RAP1B: variants seen among roughly 807,000 people sequenced by gnomAD.
RAP1B encodes the protein RAP1B, member of RAS oncogene family.
In RAP1B, 1 loss-of-function variant was observed where a neutral mutation model predicts 27.5. That is an observed-to-expected ratio of 0.04 (90% CI 0.01 to 0.17). The LOEUF (loss-of-function observed/expected upper bound fraction) is 0.17. Ranked by LOEUF, RAP1B falls within the 10% of genes least tolerant of loss-of-function variation. RAP1B has a pLI of 1.00. For missense variants in RAP1B, 84 were observed against 214.8 expected, an observed-to-expected ratio of 0.39 and a Z score of 3.81; for synonymous variants, 75 against 73.1, an observed-to-expected ratio of 1.03 and a Z score of -0.13.
At position 68,663,068 on chromosome 12, in the gene RAP1B, C is replaced by CTTTTTTTTTCTTTTTCT; in HGVS notation, c.*3828_*3829insCTTTTTCTTTTTTTTTT. Reference sequence around the variant, plus strand: ...TTGAATTTTCTTTTTTTTTCTTTTTCTTTTTTTTTTTTGAGACTGAGTTTC... The same window carrying CTTTTTTTTTCTTTTTCT: ...TTGAATTTTCTTTTTTTTTCTTTTTCTTTTTTTTTCTTTTTCTTTTTTTTTTTTTGAGACTGAGTTTC... On this transcript the variant is annotated 3_prime_UTR_variant, in exon 8 of 8. Coordinates refer to ENST00000250559, the MANE Select transcript of RAP1B (RefSeq NM_001010942.3). The CTTTTTTTTTCTTTTTCT allele has an allele frequency of 7.0e-6, 1 of 143,502 alleles. No individual in the cohort carries two copies. The highest frequency in any genetic ancestry group is 2.2e-4 in the South Asian group (1 of 4,566). The allele number at this position is 143,502 out of a possible 1,614,324, so 8.9% of individuals were successfully genotyped here. A position where few individuals can be genotyped will look rare whatever the true frequency, so the allele number is the denominator to read the frequency against.
intron 1 of RAP1B, among the ~76,000 whole-genome samples, chr12:68,618,812 G>A (rs888070664): frequency 1.3e-5 from 2 of 152,064 alleles, no homozygotes; most frequent in Non-Finnish European, 2.9e-5. Flanking sequence ...CTCTACCTTT[G>A]TACACATCTT....
At chr12:68,637,898 CTTTATGTTA>C (rs1169253344) in intron 1 of RAP1B, among the ~76,000 whole-genome samples, 4 of 151,976 alleles carry the variant, frequency 2.6e-5, no homozygotes, top group African/African-American at 9.6e-5. Context: ...TGTAGAATTG[CTTTATGTTA>C]TTTAAATATG....
At chr12:68,656,986 A>C in intron 6 of RAP1B, 115 bp from the exon 7 acceptor site, 1 of 888,720 alleles carries the variant, frequency 1.1e-6, no homozygotes, top group East Asian at 2.5e-5. Flanking sequence ...CCTTAGCTGA[A>C]CAATTCTGGG....
chr12:68,626,891 C>G, intron 1 of RAP1B: 1 of 1,578,094 alleles, frequency 6.3e-7, no homozygotes, highest in Non-Finnish European at 8.6e-7. Flanking sequence ...GGGCCCGCCA[C>G]TTGTCCACAG....
At chr12:68,614,816 G>A (rs1870865283) in intron 1 of RAP1B, among the ~76,000 whole-genome samples, 1 of 152,180 alleles carries the variant, frequency 6.6e-6, no homozygotes, top group Non-Finnish European at 1.5e-5. Context: ...TGTGTTCATA[G>A]ATTATTTTGC....
chr12:68,623,651 T>C (rs1871537435), intron 1 of RAP1B, among the ~76,000 whole-genome samples: 1 of 152,228 alleles, frequency 6.6e-6, no homozygotes, highest in Admixed American at 6.5e-5. Context: ...CATTATATAT[T>C]AGGATTAAGC....
Position 68,654,183 on chromosome 12 carries a change from A to G in RAP1B, c.255A>G (p.Thr85=). The G allele has an allele frequency of 6.3e-7, 1 of 1,599,684 alleles. No individual in the cohort carries two copies. Among genetic ancestry groups the G allele is most frequent in the Non-Finnish European group, 8.6e-7 (1 of 1,167,014 alleles). The change falls in exon 5 of 8, where the codon ACA becomes ACG. Residue 85 remains threonine (T), a synonymous_variant. Transcript: ENST00000250559. Reference sequence around the variant, plus strand: ...GATTTGCATTAGTTTATTCCATCACAGCACAGTCCACATTTAACGATTTAC... The same window carrying G: ...GATTTGCATTAGTTTATTCCATCACGGCACAGTCCACATTTAACGATTTAC... ...GQGFALVYSI[T]AQSTFNDLQD...
At chr12:68,627,318 C>T in intron 1 of RAP1B, 1 of 777,058 alleles carries the variant, frequency 1.3e-6, no homozygotes, top group Non-Finnish European at 2.3e-6. Context: ...TGTTTGCAGC[C>T]ATTGCACACT....
intron 1 of RAP1B, among the ~76,000 whole-genome samples, chr12:68,632,150 GT>G (rs1555171648): frequency 3.7e-5 from 3 of 80,332 alleles, no homozygotes; most frequent in Non-Finnish European, 5.2e-5. Flanking sequence ...TTTTTTGTTT[GT>G]TTTTTTTTTC....
chr12:68,615,941 A>T (rs1270209575), intron 1 of RAP1B, among the ~76,000 whole-genome samples: 1 of 149,834 alleles, frequency 6.7e-6, no homozygotes, highest in Non-Finnish European at 1.5e-5. Flanking sequence ...GTGAGCATCC[A>T]TTAAAAACTC....
intron 1 of RAP1B, among the ~76,000 whole-genome samples, chr12:68,625,316 A>T (rs1408695027): frequency 6.6e-6 from 1 of 152,252 alleles, no homozygotes; most frequent in Non-Finnish European, 1.5e-5. Context: ...GTAGATTATA[A>T]AAGGAAGAAC....
rs145593509 is a variant in RAP1B at position 68,630,363 on chromosome 12, C to T, written c.-26-18336C>T. Reference sequence around the variant, plus strand: ...CAAGACACAACAAATGAACTATGTTCCATTAAAACTTTATGAGTGTGACTG... The same window carrying T: ...CAAGACACAACAAATGAACTATGTTTCATTAAAACTTTATGAGTGTGACTG... On this transcript the variant is annotated intron_variant, in intron 1 of 7. Coordinates refer to ENST00000250559, the MANE Select transcript of RAP1B (RefSeq NM_001010942.3). 5.1e-4 allele frequency among the ~76,000 whole-genome samples: 77 copies of T among 152,262 alleles called. 1 individual carries two copies. The highest frequency in any genetic ancestry group is 1.8e-3 in the African/African-American group (74 of 41,532).
At chr12:68,653,658 G>T (rs990547250) in intron 4 of RAP1B, among the ~76,000 whole-genome samples, 1 of 152,038 alleles carries the variant, frequency 6.6e-6, no homozygotes, top group African/African-American at 2.4e-5. Context: ...GCTGGGCGTG[G>T]TAGTTCACGC....
chr12:68,659,115 A>C (rs140680005), intron 7 of RAP1B, among the ~76,000 whole-genome samples, 165 bp from the exon 8 acceptor site: 2,144 of 152,308 alleles, frequency 0.014, 25 homozygotes, highest in Non-Finnish European at 0.021. Context: ...TGGAATGAAA[A>C]GGTCTGCCGT....
At chr12:68,643,190 A>G (rs1430794574) in intron 1 of RAP1B, among the ~76,000 whole-genome samples, 2 of 152,228 alleles carry the variant, frequency 1.3e-5, no homozygotes, top group East Asian at 1.9e-4. Context: ...TTAATAATTT[A>G]TAATATCAGG....
At chr12:68,642,783 T>TCTC (rs878914005) in intron 1 of RAP1B, 2 of 1,046,276 alleles carry the variant, frequency 1.9e-6, no homozygotes, top group Non-Finnish European at 3.0e-6. Context: ...TTAAACTTCT[T>TCTC]AAAGTCATCC....
At position 68,669,716 on chromosome 12, in the gene RAP1B, G is replaced by T. The variant is rs1460185702; in HGVS notation, c.*10467G>T. On this transcript the variant is annotated 3_prime_UTR_variant, in exon 8 of 8. Coordinates refer to ENST00000250559, the MANE Select transcript of RAP1B (RefSeq NM_001010942.3). ...CTCTGGAGGCTGAGGCAGGAGAATC[G>T]CTTGAACCCAGGAGGCAGAGGGTGC... 6.6e-6 allele frequency: 1 copy of T among 152,116 alleles called. No individual in the cohort carries two copies. 9.4% of individuals were successfully genotyped at this position (152,116 alleles called of 1,614,324 possible).
chr12:68,638,949 C>A (rs916669011), intron 1 of RAP1B, among the ~76,000 whole-genome samples: 2 of 152,150 alleles, frequency 1.3e-5, no homozygotes, highest in South Asian at 4.1e-4. Flanking sequence ...ACATGAGTCA[C>A]CACGCCCAAC....
chr12:68,625,533 T>C (rs989861805), intron 1 of RAP1B, among the ~76,000 whole-genome samples: 3 of 152,218 alleles, frequency 2.0e-5, no homozygotes, highest in African/African-American at 7.2e-5. Context: ...AATTTTCCAT[T>C]AGGAATATTC....
Sources: gnomAD v4.1 joint callset for allele counts (sites outside exome capture counted in the v4.1 genomes callset) on GRCh38, gnomAD v4.1.1 for gene constraint, MANE v1.5 for transcripts, NCBI Gene and HGNC (gene_info 2026-07-23, HGNC 2026-07-21) for gene names.